Variants in BCR observed in about 807,000 individuals in gnomAD.
BCR encodes the protein BCR activator of RhoGEF and GTPase.
Under a neutral mutation model 138.6 loss-of-function variants are expected in BCR, and 58 were observed. That is an observed-to-expected ratio of 0.42 (90% confidence interval 0.34 to 0.52). BCR has a LOEUF of 0.52. Among genes scored for constraint, BCR ranks in the 20% least tolerant of loss-of-function variants. The probability of loss-of-function intolerance (pLI) is 0.06; values close to 1 mark genes in which losing one functional copy is unlikely to be tolerated. For missense variants in BCR, 1,599 were observed against 1,727.2 expected (o/e 0.93, Z 1.32); for synonymous variants, 786 against 730.1 (o/e 1.08, Z -1.23).
In BCR at chr22:23,180,896, C is replaced by CG. The variant is rs1569232652; in HGVS notation, c.-64dup. Reference sequence around the variant, plus strand: ...GGCGCCCGGGGCCGGGCTGGCGAGGCGCCGCGCCGCCGCTGAGACGGGCCC... The same window carrying CG: ...GGCGCCCGGGGCCGGGCTGGCGAGGCGGCCGCGCCGCCGCTGAGACGGGCCC... On this transcript the variant is annotated 5_prime_UTR_variant, in exon 1 of 23. It removes the in-frame stop codon of an upstream open reading frame in the 5' UTR. Transcript: ENST00000305877. 3.6e-6 allele frequency: 3 copies of CG among 843,694 alleles called. No individual in the cohort carries two copies. The highest frequency in any genetic ancestry group is 3.9e-6 in the Non-Finnish European group (3 of 765,326). 52.3% of individuals were successfully genotyped at this position (843,694 alleles called of 1,614,324 possible).
chr22:23,217,009 T>G (rs868300720), intron 1 of BCR: 1 of 450,458 alleles, frequency 2.2e-6, no homozygotes. Flanking sequence ...ACTCTACCTC[T>G]TGATGGGAGG....
chr22:23,215,175 T>C (rs1478147980), intron 1 of BCR, among the ~76,000 whole-genome samples: 1 of 152,252 alleles, frequency 6.6e-6, no homozygotes, highest in Non-Finnish European at 1.5e-5. Flanking sequence ...TTCTTCCTTT[T>C]TAAGGCTGAA....
At chr22:23,264,619 A>T (rs2073416405) in intron 4 of BCR, 1 of 300,806 alleles carries the variant, frequency 3.3e-6, no homozygotes, top group South Asian at 4.2e-5. Flanking sequence ...CGGCCCTGCG[A>T]CTCTGTTTGG....
At chr22:23,206,967 C>CTCCA (rs1338262979) in intron 1 of BCR, among the ~76,000 whole-genome samples, 2 of 147,334 alleles carry the variant, frequency 1.4e-5, no homozygotes, top group Non-Finnish European at 3.0e-5. Flanking sequence ...CCCTCCCTCC[C>CTCCA]TCCCTCCATC....
At chr22:23,278,360 G>T (rs2073603683) in intron 8 of BCR, among the ~76,000 whole-genome samples, 1 of 152,230 alleles carries the variant, frequency 6.6e-6, no homozygotes, top group African/African-American at 2.4e-5. Context: ...AGTACCACCA[G>T]TGCAGGCTTG....
chr22:23,309,482 G>A lies in BCR; in HGVS notation c.3071G>A (p.Gly1024Glu). ...DWQRTVIAMN[G>E]IEVKLSVKFN... ...CAGCGCACCGTCATCGCCATGAATG[G>A]GGTACGTGTCCGTGGGACTCTCCTG... Residue 1024 changes from glycine (G) to glutamate (E), a missense_variant and splice_region_variant, in exon 17 of 23, where the codon GGG (glycine) becomes GAG (glutamate). Gly to Glu is a moderately conservative substitution (Grantham distance 98). Around this residue, in one of 4 missense-constraint regions of BCR, gnomAD observed 590 missense variants for 762.4 expected, o/e 0.77. Transcript: ENST00000305877. 1 of 1,597,798 alleles carries A rather than the reference G, an allele frequency of 6.3e-7. No individual in the cohort carries two copies. The highest frequency in any genetic ancestry group is 1.1e-5 in the South Asian group (1 of 88,486).
At chr22:23,231,714 C>T (rs1289100374) in intron 1 of BCR, among the ~76,000 whole-genome samples, 9 of 152,156 alleles carry the variant, frequency 5.9e-5, no homozygotes, top group Non-Finnish European at 1.3e-4. Context: ...TGAAGTTCAT[C>T]CTTCCCTGGA....
chr22:23,201,497 C>G (rs5759642), intron 1 of BCR, among the ~76,000 whole-genome samples: 70,633 of 151,890 alleles, frequency 0.47, 18,800 homozygotes, highest in East Asian at 0.91. Context: ...TTGCTCTGTT[C>G]CCCAGGCTGG....
At chr22:23,183,320 T>C (rs2072294926) in intron 1 of BCR, among the ~76,000 whole-genome samples, 1 of 152,228 alleles carries the variant, frequency 6.6e-6, no homozygotes, top group African/African-American at 2.4e-5. Context: ...TCATTGATTT[T>C]TCTTTTTCTG....
At chr22:23,210,117 C>T (rs9620227) in intron 1 of BCR, among the ~76,000 whole-genome samples, 2 of 152,088 alleles carry the variant, frequency 1.3e-5, no homozygotes, top group Non-Finnish European at 2.9e-5. Flanking sequence ...ATTATCTGTT[C>T]TTTTTCAAAC....
At chr22:23,183,241 G>T (rs2072294038) in intron 1 of BCR, among the ~76,000 whole-genome samples, 1 of 152,176 alleles carries the variant, frequency 6.6e-6, no homozygotes. Context: ...GTGGGCTGGG[G>T]TGTGTGTGTG....
At chr22:23,213,952 G>A (rs552231093) in intron 1 of BCR, among the ~76,000 whole-genome samples, 1 of 152,258 alleles carries the variant, frequency 6.6e-6, no homozygotes, top group South Asian at 2.1e-4. Context: ...GAAAATGCAT[G>A]CCTGATAATG....
intron 1 of BCR, among the ~76,000 whole-genome samples, chr22:23,250,403 T>C (rs2073210959): frequency 6.6e-6 from 1 of 152,230 alleles, no homozygotes; most frequent in Admixed American, 6.5e-5. Context: ...TTTTAGACGT[T>C]TCGCAGCCTG....
At chr22:23,313,923 T>C in intron 20 of BCR, 45 bp from the exon 21 acceptor site, 4 of 1,518,870 alleles carry the variant, frequency 2.6e-6, no homozygotes, top group Non-Finnish European at 3.7e-6. Flanking sequence ...GGGAGAGGTC[T>C]CTGGCTCGTT....
chr22:23,219,074 T>C (rs1883803673), intron 1 of BCR, among the ~76,000 whole-genome samples: 1 of 152,168 alleles, frequency 6.6e-6, no homozygotes, highest in Admixed American at 6.5e-5. Context: ...TGACAATGGA[T>C]GGATGGATGG....
intron 8 of BCR, among the ~76,000 whole-genome samples, chr22:23,281,208 G>A (rs747800144): frequency 1.3e-4 from 20 of 152,208 alleles, no homozygotes; most frequent in Non-Finnish European, 2.4e-4. Flanking sequence ...GTGTGGTACC[G>A]TCCCTGTCCC....
chr22:23,201,002 G>A (rs2072547265), intron 1 of BCR, among the ~76,000 whole-genome samples: 1 of 152,232 alleles, frequency 6.6e-6, no homozygotes, highest in Admixed American at 6.5e-5. Context: ...ACGGGTCTAG[G>A]CCTGAGAAGC....
chr22:23,290,050 A>G, intron 13 of BCR: 1 of 540,854 alleles, frequency 1.8e-6, no homozygotes, highest in Non-Finnish European at 3.4e-6. Flanking sequence ...GTGTCCACAC[A>G]CACCCCACCC....
chr22:23,223,844 C>G (rs1162352936), intron 1 of BCR, among the ~76,000 whole-genome samples: 2 of 152,192 alleles, frequency 1.3e-5, no homozygotes, highest in Non-Finnish European at 2.9e-5. Flanking sequence ...GTAATGGGAA[C>G]ACTTTGCTGA....
Sources: gnomAD v4.1 joint callset for allele counts (sites outside exome capture counted in the v4.1 genomes callset) on GRCh38, gnomAD v4.1.1 for gene constraint, gnomAD v4.1.1 regional missense constraint, MANE v1.5 for transcripts, NCBI Gene and HGNC (gene_info 2026-07-23, HGNC 2026-07-21) for gene names.